The following HDLBP variants were observed in gnomAD, a reference collection of about 807,000 sequenced individuals.
HDLBP encodes high density lipoprotein binding protein, also known as vigilin.
HDLBP carries 30 observed loss-of-function variants against 137.3 expected under a neutral mutation model. That is an observed-to-expected ratio of 0.22 (90% CI 0.16 to 0.30). HDLBP has a LOEUF of 0.30. HDLBP is among the 10% of genes least tolerant of loss of function. The pLI, the probability that HDLBP is intolerant of heterozygous loss-of-function variation, is 1.00. For synonymous variants in HDLBP, 606 were observed against 596.0 expected (o/e 1.02, Z -0.24); for missense variants, 1,119 against 1,667.3 (o/e 0.67, Z 5.73).
In HDLBP at chr2:241,256,624, T is replaced by C. The variant is rs560374581; in HGVS notation, c.633A>G (p.Glu211=). ...TKEGIEKARH[E]VLLISAEQDK... ...CCTGCTCGGCAGAGATGAGTAAGAC[T>C]TCATGGCGAGCTTTCTCGATGCCCT... Residue 211 remains glutamate, a synonymous_variant, in exon 6 of 28, where the codon GAA becomes GAG. Transcript: ENST00000310931. 13 of 1,614,116 alleles carry C rather than the reference T, an allele frequency of 8.1e-6. No homozygotes were observed. The highest frequency in any genetic ancestry group is 1.7e-4 in the Middle Eastern group (1 of 6,016).
chr2:241,273,474 G>C, intron 1 of HDLBP: 1 of 548,292 alleles, frequency 1.8e-6, no homozygotes, highest in South Asian at 7.9e-5. Flanking sequence ...GGATACGCAG[G>C]ACTGGGCGGA....
intron 1 of HDLBP, among the ~76,000 whole-genome samples, chr2:241,288,535 C>T (rs1290577044): frequency 1.3e-5 from 2 of 152,218 alleles, no homozygotes; most frequent in African/African-American, 2.4e-5. Flanking sequence ...GTACTCTCCA[C>T]TGGGTGATCA....
intron 1 of HDLBP, among the ~76,000 whole-genome samples, chr2:241,304,711 C>T (rs1385429487): frequency 6.6e-6 from 1 of 152,190 alleles, no homozygotes; most frequent in Non-Finnish European, 1.5e-5. Flanking sequence ...ACCTATCTTG[C>T]TGCAAAGGCC....
chr2:241,263,869 T>C (rs1286886842), intron 4 of HDLBP, among the ~76,000 whole-genome samples: 1 of 152,050 alleles, frequency 6.6e-6, no homozygotes, highest in African/African-American at 2.4e-5. Flanking sequence ...CACGTGCCTG[T>C]CCTACTGAGT....
rs2070930900 is a variant in HDLBP at position 241,239,169 on chromosome 2, C to G, written c.2611-382G>C. Among the ~76,000 whole-genome samples, 1 of 152,188 alleles carries G rather than the reference C, an allele frequency of 6.6e-6. No homozygotes were observed. The highest frequency in any genetic ancestry group is 2.4e-5 in the African/African-American group (1 of 41,444). Reference sequence around the variant, plus strand: ...AGGGGACACTCTCTAAAGACTGCTTCTAAAGACCACGTCTTCTCATGACTT... The same window carrying G: ...AGGGGACACTCTCTAAAGACTGCTTGTAAAGACCACGTCTTCTCATGACTT... On this transcript the variant is annotated intron_variant, in intron 19 of 27. Coordinates refer to ENST00000310931, the MANE Select transcript of HDLBP (RefSeq NM_005336.6). The surrounding 1 kb of genome is among the most constrained non-coding windows in gnomAD (Gnocchi z 4.6).
intron 1 of HDLBP, among the ~76,000 whole-genome samples, chr2:241,282,830 C>T (rs1298542168): frequency 6.6e-6 from 1 of 152,136 alleles, no homozygotes; most frequent in African/African-American, 2.4e-5. Context: ...TCATGCCGCC[C>T]GATCCCTAGA....
rs2074154183 is a variant in HDLBP at position 241,272,442 on chromosome 2, G to A, written c.-102-3901C>T. Reference sequence around the variant, plus strand: ...CACCGAAGCCCCGGGAGGAGGCGGGGGAGCCCAGCTTGCAGCCAAGAGCGG... The same window carrying A: ...CACCGAAGCCCCGGGAGGAGGCGGGAGAGCCCAGCTTGCAGCCAAGAGCGG... On this transcript the variant is annotated intron_variant, in intron 1 of 27. Transcript: ENST00000310931. The surrounding 1 kb of genome is among the most constrained non-coding windows in gnomAD (Gnocchi z 5.6). 2.0e-6 allele frequency: 2 copies of A among 984,500 alleles called. No homozygotes were observed. Among genetic ancestry groups the A allele is most frequent in the African/African-American group, 1.7e-5 (1 of 57,166 alleles). 61.0% of individuals were successfully genotyped at this position (984,500 alleles called of 1,614,324 possible).
At chr2:241,231,199 A>G (rs2069699474) in intron 24 of HDLBP, 1 of 395,602 alleles carries the variant, frequency 2.5e-6, no homozygotes, top group African/African-American at 2.0e-5. Flanking sequence ...AGCCTGACCA[A>G]CATGGAGAAA....
rs1452713300 is a variant in HDLBP at position 241,239,415 on chromosome 2, C to G, written c.2610+187G>C. On this transcript the variant is annotated intron_variant, in intron 19 of 27. Transcript: ENST00000310931. The surrounding 1 kb of genome is among the most constrained non-coding windows in gnomAD (Gnocchi z 4.6). The stretch of plus-strand genomic sequence containing the variant: ...GTGCTTCTCGCAGGCAGAATTCTCA[C>G]CAACTATCAGGAAGGAGGCCAGACA... 6.6e-6 allele frequency among the ~76,000 whole-genome samples: 1 copy of G among 151,944 alleles called. No homozygotes were observed. The highest frequency in any genetic ancestry group is 1.5e-5 in the Non-Finnish European group (1 of 67,976).
intron 1 of HDLBP, among the ~76,000 whole-genome samples, chr2:241,282,089 C>A (rs1262970318): frequency 6.6e-6 from 1 of 152,146 alleles, no homozygotes; most frequent in African/African-American, 2.4e-5. Context: ...AAAGCATCTC[C>A]TCTACCACAA....
At chr2:241,312,995 G>A (rs1301170729) in intron 1 of HDLBP, among the ~76,000 whole-genome samples, 3 of 152,122 alleles carry the variant, frequency 2.0e-5, no homozygotes, top group Non-Finnish European at 4.4e-5. Flanking sequence ...TAAACCTGTT[G>A]CTCACGTATG....
intron 1 of HDLBP, among the ~76,000 whole-genome samples, chr2:241,296,038 T>A (rs543602217): frequency 7.7e-5 from 11 of 142,812 alleles, no homozygotes; most frequent in Middle Eastern, 3.8e-3. Context: ...GATATTTTTT[T>A]AACTCTAACA....
chr2:241,311,277 G>C (rs1049330370), intron 1 of HDLBP, among the ~76,000 whole-genome samples: 1 of 152,314 alleles, frequency 6.6e-6, no homozygotes, highest in East Asian at 1.9e-4. Context: ...CTTAGAGACC[G>C]CGGAGCAAAA....
At chr2:241,241,150 AAC>A (rs1359788473) in intron 17 of HDLBP, among the ~76,000 whole-genome samples, 1 of 152,176 alleles carries the variant, frequency 6.6e-6, no homozygotes, top group East Asian at 1.9e-4. Context: ...AGGCTGGTTA[AAC>A]ACAAAGACAA....
At chr2:241,267,353 A>G (rs1052960110) in intron 2 of HDLBP, among the ~76,000 whole-genome samples, 7 of 152,188 alleles carry the variant, frequency 4.6e-5, no homozygotes, top group African/African-American at 1.7e-4. Flanking sequence ...CTGTCCCCTC[A>G]AAAGTTGCCT....
At chr2:241,231,292 G>A (rs1476015273) in intron 24 of HDLBP, 8 of 173,796 alleles carry the variant, frequency 4.6e-5, no homozygotes, top group East Asian at 3.1e-4. Context: ...GCTGAGGCAC[G>A]AGAATTGCTT....
At chr2:241,257,466 TGTGATCCGCCCACCTCAGCCTCCCAAA>T (rs2072740491) in intron 5 of HDLBP, among the ~76,000 whole-genome samples, 1 of 152,090 alleles carries the variant, frequency 6.6e-6, no homozygotes, top group African/African-American at 2.4e-5. Context: ...TTCCTGACCT[TGTGATCCGCCCACCTCAGCCTCCCAAA>T]GTGCTGGGAT....
At chr2:241,271,074 T>C in intron 1 of HDLBP, 1 of 985,416 alleles carries the variant, frequency 1.0e-6, no homozygotes, top group Non-Finnish European at 1.2e-6. Context: ...ACAACTTCTT[T>C]CCCCTTTCTG....
chr2:241,247,965 G>A (rs769567046), intron 14 of HDLBP, 38 bp downstream of exon 14: 1 of 1,433,674 alleles, frequency 7.0e-7, no homozygotes. Flanking sequence ...ACCCACCCCA[G>A]GTGCTGTCAT....
Sources: gnomAD v4.1 joint callset for allele counts (sites outside exome capture counted in the v4.1 genomes callset) on GRCh38, gnomAD v4.1.1 for gene constraint, Gnocchi (gnomAD v3.1) non-coding constraint, MANE v1.5 for transcripts, NCBI Gene and HGNC (gene_info 2026-07-23, HGNC 2026-07-21) for gene names.